AGMO: variants seen among roughly 807,000 people sequenced by gnomAD.
The protein encoded by AGMO is glyceryl-ether monooxygenase.
Under a neutral mutation model 60.2 loss-of-function variants are expected in AGMO, and 75 were observed. The observed-to-expected ratio is 1.25, with a 90% CI of 1.03 to 1.51. The LOEUF (loss-of-function observed/expected upper bound fraction) is 1.51, where lower values mean the gene tolerates loss of function less well. Among genes scored for constraint, AGMO ranks in the 40% most tolerant of loss-of-function variants. The pLI is 0.00. For missense variants in AGMO, 763 were observed against 525.5 expected (o/e 1.45, Z -4.42); for synonymous variants, 261 against 177.1 (o/e 1.47, Z -3.76).
chr7:15,247,915 A>G (rs1464930029), intron 12 of AGMO, among the ~76,000 whole-genome samples: 1 of 151,758 alleles, frequency 6.6e-6, no homozygotes, highest in Non-Finnish European at 1.5e-5. Flanking sequence ...TACACAGAGG[A>G]TGAATGCCTA....
intron 3 of AGMO, among the ~76,000 whole-genome samples, chr7:15,495,627 G>C (rs752122584): frequency 1.3e-5 from 2 of 152,158 alleles, no homozygotes; most frequent in Non-Finnish European, 2.9e-5. Flanking sequence ...TCAGGCTGCT[G>C]TAACAAAATA....
At chr7:15,543,320 G>A (rs2115277440) in intron 3 of AGMO, among the ~76,000 whole-genome samples, 1 of 152,252 alleles carries the variant, frequency 6.6e-6, no homozygotes, top group Non-Finnish European at 1.5e-5. Flanking sequence ...TATCCCTGCA[G>A]AGGTTCAGAC....
intron 12 of AGMO, among the ~76,000 whole-genome samples, chr7:15,364,878 T>C (rs550672130): frequency 1.2e-4 from 18 of 152,184 alleles, no homozygotes; most frequent in African/African-American, 4.1e-4. Flanking sequence ...AGTTAAACAA[T>C]ATAACCCTGA....
chr7:15,162,669 A>G, the AGMO span, among the ~76,000 whole-genome samples: 2 of 152,162 alleles, frequency 1.3e-5, no homozygotes, highest in East Asian at 1.9e-4. Flanking sequence ...ACTCCAGCCT[A>G]GACAACAGAC....
chr7:15,260,211 G>GA (rs1205235979), intron 12 of AGMO, among the ~76,000 whole-genome samples: 89 of 138,684 alleles, frequency 6.4e-4, no homozygotes, highest in African/African-American at 2.1e-3. Flanking sequence ...GACAGAGCGA[G>GA]GAAAAAAAAA....
rs549834307 is a variant in AGMO, at chr7:15,257,224, T to A, written c.1264-55865A>T. 2.6e-4 allele frequency among the ~76,000 whole-genome samples: 39 copies of A among 152,220 alleles called. No individual in the cohort carries two copies. The East Asian group carries it at 7.3e-3, about 29-fold the overall frequency. ...TTTACATAAACCATATAAACAAATA[T>A]GGAATAAGTGGCTAAGAAAGATAAC... On this transcript the variant is annotated intron_variant, in intron 12 of 12. Transcript: ENST00000342526.
At chr7:15,307,563 T>C (rs1239503496) in intron 12 of AGMO, among the ~76,000 whole-genome samples, 1 of 151,980 alleles carries the variant, frequency 6.6e-6, no homozygotes, top group Non-Finnish European at 1.5e-5. Flanking sequence ...AAGGACACTA[T>C]AATTACCTAA....
intron 5 of AGMO, among the ~76,000 whole-genome samples, chr7:15,395,588 A>C (rs1294271544): frequency 6.6e-6 from 1 of 152,206 alleles, no homozygotes; most frequent in African/African-American, 2.4e-5. Flanking sequence ...TTATGCTACG[A>C]AATATTTTGG....
intron 11 of AGMO, 73 bp from the exon 12 acceptor site, chr7:15,365,692 T>C: frequency 9.8e-7 from 1 of 1,021,580 alleles, no homozygotes; most frequent in Non-Finnish European, 1.5e-6. Context: ...ATAATTAATA[T>C]AAACTTCTCA....
intron 12 of AGMO, among the ~76,000 whole-genome samples, chr7:15,297,571 C>A (rs1784440665): frequency 6.6e-6 from 1 of 151,958 alleles, no homozygotes; most frequent in Non-Finnish European, 1.5e-5. Flanking sequence ...TTGCATTTGG[C>A]CACGAAGTTG....
chr7:15,557,482 G>A (rs1438054188), intron 2 of AGMO, among the ~76,000 whole-genome samples: 1 of 151,932 alleles, frequency 6.6e-6, no homozygotes, highest in Non-Finnish European at 1.5e-5. Context: ...GGCTTCAACT[G>A]AAATATTGTT....
Position 15,418,647 on chromosome 7 carries a change from A to G in AGMO, c.520T>C (p.Tyr174His). Residue 174 changes from tyrosine (Y) to histidine (H), a missense_variant, in exon 5 of 13, where the codon TAC (tyrosine) becomes CAC (histidine). By Grantham distance (83) the Tyr-to-His change is moderately conservative. Coordinates refer to ENST00000342526, the MANE Select transcript of AGMO (RefSeq NM_001004320.2). ...VLQIYTSWIF[Y>H]SPLALFIPPS... is the part of the protein sequence containing the mutation. ...GGTATGAAGAGGGCCAGGGGAGAGT[A>G]GAAAATCTGAAAGAAAAAATTAAAA... is the stretch of plus-strand genomic sequence containing the variant. 1.3e-6 allele frequency: 2 copies of G among 1,551,452 alleles called. No individual in the cohort carries two copies. Among genetic ancestry groups the G allele is most frequent in the South Asian group, 2.4e-5 (2 of 82,320 alleles).
chr7:15,277,946 G>A lies in AGMO; in HGVS notation c.1264-76587C>T, dbSNP rs1783847278. ...TGTCTGGAGAAGCTCCTAGTGAAATGCACTGAGGTCTCTGTGGAGGTGAGG... is the reference window on the plus strand; with the variant it reads ...TGTCTGGAGAAGCTCCTAGTGAAATACACTGAGGTCTCTGTGGAGGTGAGG... On this transcript the variant is annotated intron_variant, in intron 12 of 12. Transcript: ENST00000342526. Among the ~76,000 whole-genome samples the A allele has an allele frequency of 3.3e-5, 5 of 152,154 alleles. No individual in the cohort carries two copies. In the South Asian group the frequency reaches 1.0e-3, roughly 32 times the overall value.
rs367787023 is a variant in AGMO, at chr7:15,354,438, A to G, written c.1263+11076T>C. Among the ~76,000 whole-genome samples, 66 of 19,814 alleles carry G rather than the reference A, an allele frequency of 3.3e-3. 5 individuals carry two copies. Among genetic ancestry groups the G allele is most frequent in the African/African-American group, 9.8e-3 (19 of 1,944 alleles). The allele number at this position is 19,814 out of a possible 152,430, so 13.0% of individuals were successfully genotyped here. On this transcript the variant is annotated intron_variant, in intron 12 of 12. Coordinates refer to ENST00000342526, the MANE Select transcript of AGMO (RefSeq NM_001004320.2). ...TGTGTGTATACACACACGTGTGTGT[A>G]TACACACGTGTGTGTATACACACGT... is the stretch of plus-strand genomic sequence containing the variant.
intron 9 of AGMO, among the ~76,000 whole-genome samples, chr7:15,386,088 G>T (rs1244045766): frequency 6.6e-6 from 1 of 152,008 alleles, no homozygotes; most frequent in Admixed American, 6.6e-5. Context: ...GGCTGAGGCA[G>T]AAGAACTGCT....
intron 12 of AGMO, among the ~76,000 whole-genome samples, chr7:15,252,806 G>C (rs1339460887): frequency 1.3e-5 from 2 of 152,142 alleles, no homozygotes; most frequent in Non-Finnish European, 2.9e-5. Context: ...GCCATTTTAA[G>C]AAAAGAAAGA....
At chr7:15,347,375 T>C (rs541637071) in intron 12 of AGMO, among the ~76,000 whole-genome samples, 49 of 152,192 alleles carry the variant, frequency 3.2e-4, no homozygotes, top group African/African-American at 1.2e-3. Context: ...ATAGCACAAC[T>C]GATGAAAGCT....
intron 3 of AGMO, among the ~76,000 whole-genome samples, chr7:15,543,611 T>G (rs1784689869): frequency 2.0e-5 from 3 of 152,124 alleles, no homozygotes; most frequent in South Asian, 2.1e-4. Flanking sequence ...AGGGTCCTTC[T>G]GAATGACCCT....
At chr7:15,377,865 T>C (rs1201796443) in intron 10 of AGMO, among the ~76,000 whole-genome samples, 1 of 151,992 alleles carries the variant, frequency 6.6e-6, no homozygotes, top group Non-Finnish European at 1.5e-5. Flanking sequence ...ATTTTGGTGG[T>C]TTGATGTTTA....
Sources: allele counts gnomAD v4.1 joint callset (sites outside exome capture counted in the v4.1 genomes callset), GRCh38; gene constraint gnomAD v4.1.1; transcripts MANE v1.5; gene names NCBI Gene and HGNC (gene_info 2026-07-23, HGNC 2026-07-21).